NRXN3: variants seen among roughly 807,000 people sequenced by gnomAD.
The protein encoded by NRXN3 is neurexin III.
A neutral mutation model predicts 137.6 loss-of-function variants in NRXN3; 32 were observed. That is an observed-to-expected ratio of 0.23 (90% CI 0.18 to 0.31). The LOEUF (loss-of-function observed/expected upper bound fraction) is 0.31, where lower values mean the gene tolerates loss of function less well. NRXN3 is among the 10% of genes least tolerant of loss of function. The pLI is 1.00. For synonymous variants in NRXN3, 798 were observed against 784.5 expected (o/e 1.02, Z -0.29); for missense variants, 1,574 against 2,062.5 (o/e 0.76, Z 4.59).
chr14:79,857,856 G>A (rs540303412), intron 20 of NRXN3, among the ~76,000 whole-genome samples: 1 of 152,210 alleles, frequency 6.6e-6, no homozygotes, highest in Non-Finnish European at 1.5e-5. Flanking sequence ...CTACCACTTT[G>A]TTGTCTAAAA....
At chr14:78,908,094 CAGTGAACGTA>C (rs570808369) in intron 10 of NRXN3, among the ~76,000 whole-genome samples, 2 of 152,132 alleles carry the variant, frequency 1.3e-5, no homozygotes, top group East Asian at 3.9e-4. Flanking sequence ...AACAGTGCTG[CAGTGAACGTA>C]AGTGTGCATC....
intron 4 of NRXN3, among the ~76,000 whole-genome samples, chr14:78,309,576 GA>G (rs1458544157): frequency 6.6e-6 from 1 of 151,990 alleles, no homozygotes; most frequent in East Asian, 1.9e-4. Flanking sequence ...AGTAAGTTCT[GA>G]AAACATAGTT....
At chr14:78,782,777 T>C (rs1360040171) in intron 8 of NRXN3, among the ~76,000 whole-genome samples, 9 of 152,212 alleles carry the variant, frequency 5.9e-5, no homozygotes, top group Non-Finnish European at 1.2e-4. Flanking sequence ...AAGTGACTTG[T>C]CCAGTCACAG....
In NRXN3 at chr14:78,645,258, C is replaced by T. The variant is rs750343246; in HGVS notation, c.896C>T (p.Thr299Met). 3 of 1,598,732 alleles carry T rather than the reference C, an allele frequency of 1.9e-6. No individual in the cohort carries two copies. Among genetic ancestry groups the T allele is most frequent in the Non-Finnish European group, 2.5e-6 (3 of 1,179,806 alleles). The part of the protein sequence containing the change: ...TWQRNGLILH[T>M]GKSADYVNLA... ...CAGCGTAACGGCCTCATCCTGCACA[C>T]GGGCAAGTCGGCTGACTATGTCAAC... The change falls in exon 5 of 21, where the codon ACG becomes ATG. Residue 299 changes from threonine to methionine, a missense_variant. Transcript: ENST00000335750.
chr14:78,428,819 T>C (rs990312700), intron 4 of NRXN3, among the ~76,000 whole-genome samples: 5 of 152,164 alleles, frequency 3.3e-5, no homozygotes, highest in Non-Finnish European at 5.9e-5. Context: ...CTTCACCCAA[T>C]TGCATGAAGC....
chr14:79,268,309 T>C (rs1300003993), intron 15 of NRXN3, among the ~76,000 whole-genome samples: 1 of 152,252 alleles, frequency 6.6e-6, no homozygotes, highest in Non-Finnish European at 1.5e-5. Flanking sequence ...ACGATGTTTT[T>C]AGATGTAAAG....
At chr14:79,173,935 T>C (rs547784748) in intron 15 of NRXN3, among the ~76,000 whole-genome samples, 1 of 152,336 alleles carries the variant, frequency 6.6e-6, no homozygotes, top group East Asian at 1.9e-4. Context: ...TTGTATCTTT[T>C]AAAAGAAGAG....
At chr14:78,234,214 G>A (rs995696377) in intron 1 of NRXN3, among the ~76,000 whole-genome samples, 4 of 152,144 alleles carry the variant, frequency 2.6e-5, no homozygotes, top group African/African-American at 9.7e-5. Flanking sequence ...CCAGTCTCAG[G>A]TATGTCTCTA....
intron 2 of NRXN3, among the ~76,000 whole-genome samples, chr14:78,252,157 CTTTTTTTTTTTTT>C (rs75377107): frequency 0.031 from 4,463 of 144,020 alleles, 115 homozygotes; most frequent in African/African-American, 0.07. Flanking sequence ...AAGTTTTTTT[CTTTTTTTTTTTTT>C]TAAATCCTGG....
At chr14:78,896,097 G>A (rs2099173645) in intron 10 of NRXN3, among the ~76,000 whole-genome samples, 1 of 151,780 alleles carries the variant, frequency 6.6e-6, no homozygotes, top group African/African-American at 2.4e-5. Context: ...CTCAACCAAC[G>A]GTTGCCCCAA....
At position 78,522,309 on chromosome 14, in the gene NRXN3, C is replaced by T. The variant is rs540656318; in HGVS notation, c.758-122811C>T. Among the ~76,000 whole-genome samples, 5 of 152,278 alleles carry T rather than the reference C, an allele frequency of 3.3e-5. No individual in the cohort carries two copies. The South Asian group carries it at 1.0e-3, about 32-fold the overall frequency. ...AAGTAGCTTGGTAAGTGTTACATAACCATGATATGTCAGAGCCATTAAATC... is the reference window on the plus strand; with the variant it reads ...AAGTAGCTTGGTAAGTGTTACATAATCATGATATGTCAGAGCCATTAAATC... On this transcript the variant is annotated intron_variant, in intron 4 of 20. Coordinates refer to ENST00000335750, the MANE Select transcript of NRXN3 (RefSeq NM_001330195.2).
chr14:79,418,821 T>TGGA (rs2095534636), intron 15 of NRXN3, among the ~76,000 whole-genome samples: 2 of 152,150 alleles, frequency 1.3e-5, no homozygotes, highest in East Asian at 3.9e-4. Flanking sequence ...GACAGTAAAT[T>TGGA]GGAGCACTTG....
At chr14:78,391,787 T>C (rs1177245530) in intron 4 of NRXN3, among the ~76,000 whole-genome samples, 1 of 152,192 alleles carries the variant, frequency 6.6e-6, no homozygotes, top group African/African-American at 2.4e-5. Context: ...CAGAATGATA[T>C]AGAGAAAAAT....
At chr14:79,534,218 A>G (rs954656334) in intron 16 of NRXN3, among the ~76,000 whole-genome samples, 1 of 152,190 alleles carries the variant, frequency 6.6e-6, no homozygotes, top group Non-Finnish European at 1.5e-5. Context: ...AGCCATCGGC[A>G]TGAATGTCTA....
chr14:79,071,639 G>T (rs367634135), intron 15 of NRXN3, among the ~76,000 whole-genome samples: 46 of 152,160 alleles, frequency 3.0e-4, no homozygotes, highest in African/African-American at 1.1e-3. Flanking sequence ...TGGAGAGAGA[G>T]AGAGTAGAAG....
At chr14:79,205,773 A>G (rs1385378654) in intron 15 of NRXN3, among the ~76,000 whole-genome samples, 3 of 152,196 alleles carry the variant, frequency 2.0e-5, no homozygotes, top group Non-Finnish European at 2.9e-5. Context: ...TTTAAGATAT[A>G]TAACTTAAGC....
At position 79,520,330 on chromosome 14, in the gene NRXN3, T is replaced by C. The variant is rs111641473; in HGVS notation, c.3444+52928T>C. ...TTTAATTATACTTTAAGTTCTGGGA[T>C]ACTTGTGCAGAACATACAGGTTTGT... On this transcript the variant is annotated intron_variant, in intron 16 of 20. Coordinates refer to ENST00000335750, the MANE Select transcript of NRXN3 (RefSeq NM_001330195.2). Among the ~76,000 whole-genome samples the C allele has an allele frequency of 4.2e-3, 637 of 152,304 alleles. 8 individuals are homozygous for C. Among genetic ancestry groups the C allele is most frequent in the African/African-American group, 0.014 (602 of 41,588 alleles).
At chr14:79,474,997 A>T (rs1468611262) in intron 16 of NRXN3, among the ~76,000 whole-genome samples, 1 of 152,106 alleles carries the variant, frequency 6.6e-6, no homozygotes, top group African/African-American at 2.4e-5. Flanking sequence ...TGGGTACCAG[A>T]TAAAGTCACA....
intron 15 of NRXN3, among the ~76,000 whole-genome samples, chr14:79,391,224 A>G (rs1209641990): frequency 1.3e-5 from 2 of 152,190 alleles, no homozygotes; most frequent in South Asian, 2.1e-4. Flanking sequence ...GAACTTTAGA[A>G]TATTTTAGAC....
Sources: gnomAD v4.1 joint callset for allele counts (sites outside exome capture counted in the v4.1 genomes callset) on GRCh38, gnomAD v4.1.1 for gene constraint, MANE v1.5 for transcripts, NCBI Gene and HGNC (gene_info 2026-07-23, HGNC 2026-07-21) for gene names.